The following BYSL variants were observed in gnomAD, a reference collection of about 807,000 sequenced individuals.
The protein encoded by BYSL is bystin like, also known as bystin.
Under a neutral mutation model 45.4 loss-of-function variants are expected in BYSL, and 21 were observed. That is an observed-to-expected ratio of 0.46 (90% CI 0.33 to 0.67). The LOEUF is 0.67. BYSL is among the 30% of genes least tolerant of loss of function. BYSL has a pLI of 0.02. For missense variants in BYSL, 522 were observed against 578.5 expected, an observed-to-expected ratio of 0.90 and a Z score of 1.00; for synonymous variants, 215 against 231.3, an observed-to-expected ratio of 0.93 and a Z score of 0.64.
chr6:41,930,719 G>C lies in BYSL; in HGVS notation c.655G>C (p.Val219Leu). The change falls in exon 4 of 7, where the codon GTC becomes CTC. Residue 219 changes from valine (V) to leucine (L), a missense_variant. Physicochemically the swap from Val to Leu is conservative, Grantham distance 32. Coordinates refer to ENST00000230340, the MANE Select transcript of BYSL (RefSeq NM_004053.4). ...ALSNWEQILY[V>L]TEPEAWTAAA... is the part of the protein sequence containing the mutation. The stretch of plus-strand genomic sequence containing the variant: ...CTCCAACTGGGAGCAAATCCTCTAC[G>C]TCACAGAGCCGGAGGCCTGGACTGC... The C allele has an allele frequency of 6.2e-7, 1 of 1,614,030 alleles. No homozygotes were observed. Among genetic ancestry groups the C allele is most frequent in the Non-Finnish European group, 8.5e-7 (1 of 1,179,956 alleles).
chr6:41,931,951 T>G (rs1775647299), intron 6 of BYSL, 121 bp downstream of exon 6: 2 of 936,622 alleles, frequency 2.1e-6, no homozygotes, highest in East Asian at 5.0e-5. Context: ...TGTGCTTGTT[T>G]AAGCCAATGA....
upstream of BYSL, among the ~76,000 whole-genome samples, chr6:41,920,023 G>A (rs1775419445): frequency 6.6e-6 from 1 of 152,170 alleles, no homozygotes; most frequent in South Asian, 2.1e-4. Flanking sequence ...TCTCCCACGG[G>A]AAAAATGCTC....
chr6:41,920,773 A>C (rs1324422782), upstream of BYSL: 10 of 477,564 alleles, frequency 2.1e-5, no homozygotes, highest in Admixed American at 1.3e-4. Context: ...CCGTCTTAAA[A>C]AAAACAAAAC....
rs1202414911 is a variant in BYSL at position 41,927,533 on chromosome 6, C to G, written c.428C>G (p.Ala143Gly). The G allele has an allele frequency of 6.2e-7, 1 of 1,613,688 alleles. No homozygotes were observed. Among genetic ancestry groups the G allele is most frequent in the East Asian group, 2.2e-5 (1 of 44,876 alleles). The change falls in exon 2 of 7, where the codon GCC becomes GGC. Residue 143 changes from alanine (A) to glycine (G), a missense_variant. By Grantham distance (60) the Ala-to-Gly change is moderately conservative (BLOSUM62 0). Transcript: ENST00000230340. ...ATGTTCATGAACAAGAACCCTCCTG[C>G]CAGGTAGGCCTGGGGATTTGGGATA... ...IEMFMNKNPP[A>G]RRTLADIIME...
chr6:41,917,795 C>T (rs781506480), upstream of BYSL: 1 of 471,294 alleles, frequency 2.1e-6, no homozygotes, highest in East Asian at 6.9e-5. Flanking sequence ...ATGTTTTTAC[C>T]AACTCTGTGA....
the BYSL span, among the ~76,000 whole-genome samples, chr6:41,911,576 A>T: frequency 6.6e-6 from 1 of 152,228 alleles, no homozygotes; most frequent in East Asian, 1.9e-4. Flanking sequence ...ACAAGTCAGC[A>T]GGAAAAAAAA....
At chr6:41,921,222 C>A, upstream of BYSL, 1 of 686,862 alleles carries the variant, frequency 1.5e-6, no homozygotes. Context: ...CCACTGACAT[C>A]ATCTGCGGAT....
upstream of BYSL, among the ~76,000 whole-genome samples, chr6:41,919,327 CG>C (rs1463519907): frequency 1.3e-5 from 2 of 151,790 alleles, no homozygotes; most frequent in Non-Finnish European, 2.9e-5. Flanking sequence ...TAAGGAAAAT[CG>C]ATTAAAAAAT....
rs1486502528 is a variant in BYSL at position 41,932,710 on chromosome 6, A to G, written c.*4A>G. 9 of 1,601,604 alleles carry G rather than the reference A, an allele frequency of 5.6e-6. No homozygotes were observed. Among genetic ancestry groups the G allele is most frequent in the Admixed American group, 1.7e-5 (1 of 59,498 alleles). ...TGTTCCCATCACCGTGGAGTGAGGA[A>G]AACAGTCAGCTGTCCTGGCCAAAGG... On this transcript the variant is annotated 3_prime_UTR_variant, in exon 7 of 7. Coordinates refer to ENST00000230340, the MANE Select transcript of BYSL (RefSeq NM_004053.4). This position sits in a 1 kb window ranked among gnomAD's most constrained non-coding sequence, Gnocchi z 4.7.
Position 41,924,796 on chromosome 6 carries a change from G to A in BYSL, c.269-2578G>A, listed in dbSNP as rs1025118403. Among the ~76,000 whole-genome samples, 31 of 152,200 alleles carry A rather than the reference G, an allele frequency of 2.0e-4. 1 individual carries two copies. The highest frequency in any genetic ancestry group is 8.3e-4 in the South Asian group (4 of 4,832). ...AATGAGTTGGAGGGAAGCAAGGTCA[G>A]AAACATAGAGACCAGTGGGCGACTG... On this transcript the variant is annotated intron_variant, in intron 1 of 6. Transcript: ENST00000230340.
chr6:41,917,072 C>T, upstream of BYSL: 1 of 895,290 alleles, frequency 1.1e-6, no homozygotes, highest in Non-Finnish European at 1.6e-6. Flanking sequence ...TGACCGTCTC[C>T]CAATCCCTGC....
the BYSL span, among the ~76,000 whole-genome samples, chr6:41,913,341 G>T: frequency 6.6e-6 from 1 of 152,074 alleles, no homozygotes; most frequent in Admixed American, 6.6e-5. Context: ...GCTCTTTCCT[G>T]CCTGCCATGA....
At chr6:41,914,203 G>A in the BYSL span, among the ~76,000 whole-genome samples, 160 of 152,232 alleles carry the variant, frequency 1.1e-3, no homozygotes, top group Admixed American at 8.1e-3. Context: ...TGCTGTTGTC[G>A]GAGGCAGGAA....
upstream of BYSL, chr6:41,917,986 G>A (rs1775358948): frequency 7.8e-6 from 2 of 257,366 alleles, no homozygotes; most frequent in Non-Finnish European, 1.7e-5. Context: ...CAGTATTCAC[G>A]AAAATTGAAT....
chr6:41,921,260 C>T, upstream of BYSL: 1 of 636,324 alleles, frequency 1.6e-6, no homozygotes, highest in East Asian at 2.9e-5. Flanking sequence ...TAAATCCAGA[C>T]ATTCCCGTTT....
At chr6:41,924,162 G>A (rs1007264297) in intron 1 of BYSL, among the ~76,000 whole-genome samples, 1 of 151,086 alleles carries the variant, frequency 6.6e-6, no homozygotes, top group Non-Finnish European at 1.5e-5. Context: ...CCGGGTTCAA[G>A]CGATTCTCCT....
intron 2 of BYSL, among the ~76,000 whole-genome samples, chr6:41,927,949 A>G (rs770956305): frequency 1.3e-5 from 2 of 152,096 alleles, no homozygotes; most frequent in Non-Finnish European, 2.9e-5. Context: ...TGGGCTGGGT[A>G]ATTTTGTGTG....
chr6:41,927,222 G>C (rs1272868365), intron 1 of BYSL, 152 bp from the exon 2 acceptor site: 1 of 821,186 alleles, frequency 1.2e-6, no homozygotes, highest in African/African-American at 1.7e-5. Context: ...AAGCCCCTGG[G>C]GACAGGGAGC....
chr6:41,915,107 G>T, the BYSL span, among the ~76,000 whole-genome samples: 2 of 152,198 alleles, frequency 1.3e-5, no homozygotes, highest in Admixed American at 6.5e-5. Flanking sequence ...GAGAAACACT[G>T]CTTTTAGAAA....
Sources: allele counts gnomAD v4.1 joint callset (sites outside exome capture counted in the v4.1 genomes callset), GRCh38; gene constraint gnomAD v4.1.1; non-coding constraint Gnocchi (gnomAD v3.1); transcripts MANE v1.5; gene names NCBI Gene and HGNC (gene_info 2026-07-23, HGNC 2026-07-21).